The following CCSER1 variants were observed in gnomAD, a reference collection of about 807,000 sequenced individuals.
The protein encoded by CCSER1 is coiled-coil serine rich protein 1.
CCSER1 carries 41 observed loss-of-function variants against 82.0 expected under a neutral mutation model. The ratio of observed to expected loss-of-function variants is 0.50; its 90% CI spans 0.39 to 0.65. The LOEUF (loss-of-function observed/expected upper bound fraction) is 0.65. CCSER1 is among the 30% of genes least tolerant of loss of function. CCSER1 has a pLI of 0.00. For missense variants in CCSER1, 1,119 were observed against 1,064.2 expected (o/e 1.05, Z -0.72); for synonymous variants, 414 against 383.9 (o/e 1.08, Z -0.92).
At chr4:90,500,223 C>T (rs892135208) in intron 5 of CCSER1, among the ~76,000 whole-genome samples, 3 of 151,842 alleles carry the variant, frequency 2.0e-5, no homozygotes, top group African/African-American at 4.8e-5. Context: ...ATTTTGAAGC[C>T]CCAGATAGTT....
In CCSER1 at chr4:91,323,591, G is replaced by A. The variant is rs191299728; in HGVS notation, c.2217+237597G>A. 1.6e-4 allele frequency among the ~76,000 whole-genome samples: 24 copies of A among 152,070 alleles called. No homozygotes were observed. The East Asian group carries it at 4.6e-3, about 29-fold the overall frequency. On this transcript the variant is annotated intron_variant, in intron 10 of 10. Transcript: ENST00000509176. ...CTTAGGACACATTTAAGATACATAGGTTAAGATATTTACCTGAATTTCAAT... is the reference window on the plus strand; with the variant it reads ...CTTAGGACACATTTAAGATACATAGATTAAGATATTTACCTGAATTTCAAT...
intron 9 of CCSER1, among the ~76,000 whole-genome samples, chr4:90,936,013 A>G (rs1452071626): frequency 6.6e-6 from 1 of 152,044 alleles, no homozygotes; most frequent in East Asian, 1.9e-4. Flanking sequence ...ATAATAAAAT[A>G]TACTTTCAAA....
chr4:90,188,569 A>G (rs758543748), intron 1 of CCSER1, among the ~76,000 whole-genome samples: 43 of 151,948 alleles, frequency 2.8e-4, no homozygotes, highest in Non-Finnish European at 5.3e-4. Context: ...TAAGTTTTAC[A>G]TACTAAATTT....
intron 10 of CCSER1, among the ~76,000 whole-genome samples, chr4:91,550,296 C>T (rs745945688): frequency 1.3e-5 from 2 of 152,196 alleles, no homozygotes; most frequent in South Asian, 2.1e-4. Context: ...ATTGTGGCAC[C>T]GTATGTCACT....
intron 7 of CCSER1, among the ~76,000 whole-genome samples, chr4:90,792,769 AG>A (rs1755444831): frequency 6.6e-6 from 1 of 152,212 alleles, no homozygotes; most frequent in Non-Finnish European, 1.5e-5. Flanking sequence ...CAGGCAGGCA[AG>A]GTGGGCAATG....
At chr4:90,743,382 G>C (rs1473211906) in intron 7 of CCSER1, among the ~76,000 whole-genome samples, 1 of 152,112 alleles carries the variant, frequency 6.6e-6, no homozygotes, top group African/African-American at 2.4e-5. Flanking sequence ...CTCAGCTAAG[G>C]AAATTATCTG....
At chr4:91,437,081 G>C (rs776270713) in intron 10 of CCSER1, among the ~76,000 whole-genome samples, 1 of 152,234 alleles carries the variant, frequency 6.6e-6, no homozygotes, top group South Asian at 2.1e-4. Flanking sequence ...AGAAACTGAA[G>C]AGGCCATGCT....
At chr4:90,583,546 A>T (rs1378837062) in intron 5 of CCSER1, among the ~76,000 whole-genome samples, 3 of 152,138 alleles carry the variant, frequency 2.0e-5, no homozygotes, top group East Asian at 1.9e-4. Context: ...TATAGATATT[A>T]AAAAAAGGAA....
At position 90,569,780 on chromosome 4, in the gene CCSER1, C is replaced by T. The variant is rs1779888530; in HGVS notation, c.1725-58245C>T. Among the ~76,000 whole-genome samples, 4 of 152,320 alleles carry T rather than the reference C, an allele frequency of 2.6e-5. No homozygotes were observed. In the South Asian group the frequency reaches 8.3e-4, roughly 32 times the overall value. On this transcript the variant is annotated intron_variant, in intron 5 of 10. Coordinates refer to ENST00000509176, the MANE Select transcript of CCSER1 (RefSeq NM_001145065.2). ...CTACAGCTCCTGCTGTCTGCTGGTC[C>T]AGGAGAGAGCAGGGCCACCACTGCT...
At chr4:91,293,057 TA>T (rs1743878408) in intron 10 of CCSER1, among the ~76,000 whole-genome samples, 1 of 151,992 alleles carries the variant, frequency 6.6e-6, no homozygotes, top group Admixed American at 6.6e-5. Context: ...CTTGTTTAGA[TA>T]AGCCTGTCTA....
Position 90,587,731 on chromosome 4 carries a change from T to C in CCSER1, c.1725-40294T>C, listed in dbSNP as rs367613339. Among the ~76,000 whole-genome samples, 44 of 152,336 alleles carry C rather than the reference T, an allele frequency of 2.9e-4. 2 individuals carry two copies. In the East Asian group the frequency reaches 8.5e-3, roughly 29 times the overall value. ...ATTTCTTGTGTAGTCAAAAATAATA[T>C]CCTTTAAATCATTTCCTTAGATTAT... is the stretch of plus-strand genomic sequence containing the variant. On this transcript the variant is annotated intron_variant, in intron 5 of 10. Transcript: ENST00000509176.
At chr4:90,135,333 A>AC (rs916878060) in intron 1 of CCSER1, among the ~76,000 whole-genome samples, 81 of 151,292 alleles carry the variant, frequency 5.4e-4, no homozygotes, top group Non-Finnish European at 7.7e-4. Context: ...TTTGAGCAAG[A>AC]CCCCCCCTTT....
intron 8 of CCSER1, among the ~76,000 whole-genome samples, chr4:90,860,305 A>G (rs1017899643): frequency 2.0e-5 from 3 of 151,676 alleles, no homozygotes; most frequent in African/African-American, 7.2e-5. Flanking sequence ...ACAATGAGAT[A>G]CCACTTGACA....
chr4:90,961,550 A>C (rs536442512), intron 9 of CCSER1, among the ~76,000 whole-genome samples: 51 of 152,262 alleles, frequency 3.3e-4, no homozygotes, highest in African/African-American at 1.2e-3. Context: ...TGAATATTTG[A>C]ATGTTAATAT....
chr4:91,094,091 C>T (rs1305784281), intron 10 of CCSER1, among the ~76,000 whole-genome samples: 3 of 152,158 alleles, frequency 2.0e-5, no homozygotes, highest in South Asian at 2.1e-4. Flanking sequence ...CTCCAGGTGT[C>T]GAAGCAGGGC....
At chr4:90,971,020 G>A (rs1467535378) in intron 9 of CCSER1, among the ~76,000 whole-genome samples, 1 of 151,354 alleles carries the variant, frequency 6.6e-6, no homozygotes, top group African/African-American at 2.4e-5. Flanking sequence ...AGAAAAAGAA[G>A]AACAAACTAA....
At chr4:90,802,564 AGTAATT>A (rs1304959087) in intron 7 of CCSER1, among the ~76,000 whole-genome samples, 1 of 131,826 alleles carries the variant, frequency 7.6e-6, no homozygotes, top group Non-Finnish European at 1.6e-5. Context: ...AGCATCAAGT[AGTAATT>A]ATTAATGCTG....
chr4:90,817,640 T>C (rs768739541), intron 8 of CCSER1, among the ~76,000 whole-genome samples: 40 of 150,390 alleles, frequency 2.7e-4, no homozygotes, highest in Non-Finnish European at 8.8e-5. Flanking sequence ...AAATGTTAAC[T>C]TTAAAAAAAA....
At chr4:90,266,301 G>T (rs1296996961) in intron 1 of CCSER1, among the ~76,000 whole-genome samples, 1 of 151,602 alleles carries the variant, frequency 6.6e-6, no homozygotes, top group East Asian at 1.9e-4. Context: ...GAACTAAAAT[G>T]AATGTCATGT....
Sources: allele counts gnomAD v4.1 joint callset (sites outside exome capture counted in the v4.1 genomes callset), GRCh38; gene constraint gnomAD v4.1.1; transcripts MANE v1.5; gene names NCBI Gene and HGNC (gene_info 2026-07-23, HGNC 2026-07-21).